AGO1: variants seen among roughly 807,000 people sequenced by gnomAD.
AGO1 encodes protein argonaute-1.
Under a neutral mutation model 109.2 loss-of-function variants are expected in AGO1, and 11 were observed. That is an observed-to-expected ratio of 0.10 (90% confidence interval 0.06 to 0.17). AGO1 has a LOEUF of 0.17. Among genes scored for constraint, AGO1 ranks in the 10% least tolerant of loss-of-function variants. The probability of loss-of-function intolerance (pLI) is 1.00; values close to 1 mark genes in which losing one functional copy is unlikely to be tolerated. For synonymous variants in AGO1, 422 were observed against 418.6 expected, an observed-to-expected ratio of 1.01 and a Z score of -0.10; for missense variants, 574 against 1,140.3, an observed-to-expected ratio of 0.50 and a Z score of 7.15.
At chr1:35,914,316 C>A in intron 14 of AGO1, 42 bp downstream of exon 14, 1 of 1,528,888 alleles carries the variant, frequency 6.5e-7, no homozygotes, top group Non-Finnish European at 9.1e-7. Flanking sequence ...TTCTCCTCTT[C>A]GCTCTGAGTC....
intron 11 of AGO1, among the ~76,000 whole-genome samples, chr1:35,904,356 C>T (rs1036793993): frequency 2.6e-5 from 4 of 152,132 alleles, no homozygotes; most frequent in East Asian, 3.9e-4. Flanking sequence ...CCACCCGCCT[C>T]GGCCTTCCAA....
chr1:35,886,355 G>A (rs1438907121), intron 1 of AGO1, among the ~76,000 whole-genome samples: 1 of 152,168 alleles, frequency 6.6e-6, no homozygotes, highest in Non-Finnish European at 1.5e-5. Context: ...GGATGTAATG[G>A]GAGAGAGGTT....
chr1:35,893,786 T>G lies in AGO1; in HGVS notation c.625T>G (p.Trp209Gly). The change falls in exon 5 of 19, where the codon TGG becomes GGG. Residue 209 changes from tryptophan (W) to glycine (G), a missense_variant. This residue lies in a region of AGO1 where 129 missense variants were observed against 243.0 expected (regional missense o/e 0.53). Coordinates refer to ENST00000373204, the MANE Select transcript of AGO1 (RefSeq NM_012199.5). The surrounding 1 kb of genome is among the most constrained non-coding windows in gnomAD (Gnocchi z 5.6). ...TCACCAGTCTGTGCGCCCTGCCATG[T>G]GGAAGATGATGCTCAACATTGATGG... Reference protein sequence around the residue: ...GFHQSVRPAMWKMMLNIDVSA... With the variant: ...GFHQSVRPAMGKMMLNIDVSA... 6.2e-7 allele frequency: 1 copy of G among 1,613,596 alleles called. No individual in the cohort carries two copies. The highest frequency in any genetic ancestry group is 8.5e-7 in the Non-Finnish European group (1 of 1,179,726).
intron 1 of AGO1, among the ~76,000 whole-genome samples, chr1:35,870,653 TGA>T (rs930330279): frequency 2.4e-4 from 37 of 152,340 alleles, no homozygotes; most frequent in African/African-American, 8.7e-4. Context: ...TCCTCCCTAC[TGA>T]GAGAGAAAAT....
In AGO1 at chr1:35,901,921, C is replaced by G; in HGVS notation, c.1141-27C>G. On this transcript the variant is annotated intron_variant, in intron 9 of 18. Coordinates refer to ENST00000373204, the MANE Select transcript of AGO1 (RefSeq NM_012199.5). The surrounding 1 kb of genome is among the most constrained non-coding windows in gnomAD (Gnocchi z 4.8). ...GCAGTATTGCCAAGCTCCTGTTCTC[C>G]TGAGATTGCTCTCTTTTGTCCTGCA... The G allele has an allele frequency of 6.4e-7, 1 of 1,558,582 alleles. No individual in the cohort carries two copies. The highest frequency in any genetic ancestry group is 8.7e-7 in the Non-Finnish European group (1 of 1,153,240).
intron 1 of AGO1, among the ~76,000 whole-genome samples, chr1:35,887,864 C>G (rs1472047675): frequency 6.6e-6 from 1 of 152,130 alleles, no homozygotes; most frequent in African/African-American, 2.4e-5. Context: ...AGCCTTTTCT[C>G]CTTTTCCCTG....
Position 35,919,401 on chromosome 1 carries a change from T to A in AGO1, c.2466-98T>A. 1 of 1,467,078 alleles carries A rather than the reference T, an allele frequency of 6.8e-7. No homozygotes were observed. The highest frequency in any genetic ancestry group is 9.3e-7 in the Non-Finnish European group (1 of 1,076,764). 90.9% of individuals were successfully genotyped at this position (1,467,078 alleles called of 1,614,324 possible). On this transcript the variant is annotated intron_variant, in intron 18 of 18. Transcript: ENST00000373204. The surrounding 1 kb of genome is among the most constrained non-coding windows in gnomAD (Gnocchi z 6.6). The stretch of plus-strand genomic sequence containing the variant: ...CCAATCCTGGGTTGGGTTTCTCTCT[T>A]AAGTTGGTATGGGAATTGGCATCCC...
intron 2 of AGO1, among the ~76,000 whole-genome samples, chr1:35,891,006 C>T (rs1645207873): frequency 6.6e-6 from 1 of 152,128 alleles, no homozygotes; most frequent in African/African-American, 2.4e-5. Flanking sequence ...CGAGGGTGGC[C>T]TTGCGTACTA....
In AGO1 at chr1:35,925,836, T is replaced by C. The variant is rs1016353899; in HGVS notation, c.*6229T>C. 4 of 152,238 alleles carry C rather than the reference T, an allele frequency of 2.6e-5. No homozygotes were observed. The highest frequency in any genetic ancestry group is 6.5e-5 in the Admixed American group (1 of 15,286). The allele number at this position is 152,238 out of a possible 1,614,324, so 9.4% of individuals were successfully genotyped here. On this transcript the variant is annotated 3_prime_UTR_variant, in exon 19 of 19. Coordinates refer to ENST00000373204, the MANE Select transcript of AGO1 (RefSeq NM_012199.5). ...TCCTGGTACTGCTAGAGCATTGTTATTTCTATGCATGGGGGTAAGAAGGCT... is the reference window on the plus strand; with the variant it reads ...TCCTGGTACTGCTAGAGCATTGTTACTTCTATGCATGGGGGTAAGAAGGCT...
At chr1:35,911,130 A>G (rs1214999793) in intron 12 of AGO1, among the ~76,000 whole-genome samples, 1 of 152,200 alleles carries the variant, frequency 6.6e-6, no homozygotes, top group Non-Finnish European at 1.5e-5. Context: ...TTGAACATGT[A>G]TAACCATTTT....
At chr1:35,895,320 G>A (rs1571350634) in intron 8 of AGO1, 51 bp downstream of exon 8, 1 of 1,540,778 alleles carries the variant, frequency 6.5e-7, no homozygotes, top group Non-Finnish European at 8.8e-7. Context: ...ATACCTGCAT[G>A]CTGATCATCA....
intron 12 of AGO1, among the ~76,000 whole-genome samples, chr1:35,911,163 G>A (rs767200418): frequency 2.4e-4 from 37 of 152,204 alleles, no homozygotes; most frequent in Non-Finnish European, 4.6e-4. Context: ...ATCTAGGAGT[G>A]GATTTTAAGT....
At chr1:35,889,754 C>T (rs1301974039) in intron 2 of AGO1, among the ~76,000 whole-genome samples, 5 of 152,104 alleles carry the variant, frequency 3.3e-5, no homozygotes, top group Admixed American at 6.5e-5. Flanking sequence ...GCACCCTCTG[C>T]CTCCTAGGTT....
intron 11 of AGO1, among the ~76,000 whole-genome samples, chr1:35,906,691 C>G (rs1302379152): frequency 6.6e-6 from 1 of 151,834 alleles, no homozygotes; most frequent in Non-Finnish European, 1.5e-5. Context: ...TCCTCTAGTC[C>G]TACCTACTCA....
chr1:35,916,886 C>G (rs1157522730), intron 15 of AGO1, among the ~76,000 whole-genome samples: 2 of 152,150 alleles, frequency 1.3e-5, no homozygotes, highest in Non-Finnish European at 2.9e-5. Context: ...TGAAGCAGGT[C>G]TTAGTAACAT....
chr1:35,895,035 A>T (rs1645293711), intron 7 of AGO1, 87 bp from the exon 8 acceptor site: 59 of 1,462,988 alleles, frequency 4.0e-5, no homozygotes, highest in Non-Finnish European at 4.4e-5. Flanking sequence ...AAAAGGAAAA[A>T]ATCTGAGGCT....
Position 35,917,640 on chromosome 1 carries a change from G to A in AGO1, c.2076G>A (p.Leu692=). Residue 692 remains leucine (L), a synonymous_variant, in exon 16 of 19, where the codon CTG becomes CTA. Coordinates refer to ENST00000373204, the MANE Select transcript of AGO1 (RefSeq NM_012199.5). ...LLAIRDACIK[L]EKDYQPGITY... ...CCATTCGTGATGCCTGCATCAAACT[G>A]GAAAAGGACTACCAGCCTGGGATCA... 6.2e-7 allele frequency: 1 copy of A among 1,613,776 alleles called. No individual in the cohort carries two copies.
At chr1:35,890,955 G>A (rs1042361471) in intron 2 of AGO1, among the ~76,000 whole-genome samples, 3 of 152,168 alleles carry the variant, frequency 2.0e-5, no homozygotes, top group African/African-American at 7.2e-5. Flanking sequence ...AAAAATTGAT[G>A]CACACACATA....
At position 35,928,715 on chromosome 1, in the gene AGO1, A is replaced by C. The variant is rs1645978364; in HGVS notation, c.*9108A>C. ...TTCCCAGTCTGTGGCTTGCCTTTTC[A>C]TTTTGAAGAGCAAAAGTTTAAAATT... On this transcript the variant is annotated 3_prime_UTR_variant, in exon 19 of 19. Coordinates refer to ENST00000373204, the MANE Select transcript of AGO1 (RefSeq NM_012199.5). The C allele has an allele frequency of 6.6e-6, 1 of 152,108 alleles. No homozygotes were observed. The highest frequency in any genetic ancestry group is 2.4e-5 in the African/African-American group (1 of 41,434). 9.4% of individuals were successfully genotyped at this position (152,108 alleles called of 1,614,324 possible).
Sources: gnomAD v4.1 joint callset for allele counts (sites outside exome capture counted in the v4.1 genomes callset) on GRCh38, gnomAD v4.1.1 for gene constraint, gnomAD v4.1.1 regional missense constraint, Gnocchi (gnomAD v3.1) non-coding constraint, MANE v1.5 for transcripts, NCBI Gene and HGNC (gene_info 2026-07-23, HGNC 2026-07-21) for gene names.